The following FILIP1L variants were observed in gnomAD, a reference collection of about 807,000 sequenced individuals.
The protein encoded by FILIP1L is filamin A interacting protein 1 like.
In FILIP1L, 55 loss-of-function variants were observed where a neutral mutation model predicts 96.6. That is an observed-to-expected ratio of 0.57 (90% CI 0.46 to 0.71). The LOEUF (loss-of-function observed/expected upper bound fraction) is 0.71, where lower values mean the gene tolerates loss of function less well. Among genes scored for constraint, FILIP1L ranks in the 30% least tolerant of loss-of-function variants. The pLI is 0.00. For synonymous variants in FILIP1L, 467 were observed against 473.9 expected, an observed-to-expected ratio of 0.99 and a Z score of 0.19; for missense variants, 1,304 against 1,321.2, an observed-to-expected ratio of 0.99 and a Z score of 0.20.
chr3:99,833,924 G>A (rs1290787630), intron 5 of FILIP1L, among the ~76,000 whole-genome samples: 2 of 152,302 alleles, frequency 1.3e-5, no homozygotes, highest in East Asian at 3.9e-4. Context: ...GTGTTTAATG[G>A]GAAAGTATAT....
chr3:99,917,754 G>A lies in FILIP1L; in HGVS notation c.605+6476C>T, dbSNP rs150472394. Reference sequence around the variant, plus strand: ...ATATGTGGAAGCAGTAGGGTATACCGAAATCTAGATGTCCTTTAAGAATGG... The same window carrying A: ...ATATGTGGAAGCAGTAGGGTATACCAAAATCTAGATGTCCTTTAAGAATGG... On this transcript the variant is annotated intron_variant, in intron 4 of 5. Transcript: ENST00000477258. Among the ~76,000 whole-genome samples, 217 of 152,280 alleles carry A rather than the reference G, an allele frequency of 1.4e-3. 1 individual carries two copies. The highest frequency in any genetic ancestry group is 4.9e-3 in the African/African-American group (204 of 41,568).
intron 4 of FILIP1L, among the ~76,000 whole-genome samples, chr3:99,890,978 A>AG (rs895441868): frequency 3.6e-4 from 55 of 152,202 alleles, no homozygotes; most frequent in African/African-American, 1.3e-3. Context: ...CAAATGCCAA[A>AG]GGGGTATTTT....
intron 4 of FILIP1L, among the ~76,000 whole-genome samples, chr3:99,887,333 T>C (rs1705934500): frequency 6.6e-6 from 1 of 152,102 alleles, no homozygotes; most frequent in African/African-American, 2.4e-5. Flanking sequence ...AAAGTTCATC[T>C]GGACCTTGAA....
intron 4 of FILIP1L, among the ~76,000 whole-genome samples, chr3:99,911,713 T>C (rs1321452810): frequency 1.3e-5 from 2 of 152,216 alleles, no homozygotes; most frequent in African/African-American, 4.8e-5. Context: ...ATCTTTCTAA[T>C]CAGATCCTTG....
intron 4 of FILIP1L, among the ~76,000 whole-genome samples, chr3:99,872,461 A>G (rs934116396): frequency 2.6e-5 from 4 of 152,042 alleles, no homozygotes; most frequent in Admixed American, 2.0e-4. Flanking sequence ...TTAGGCTAGA[A>G]TAAGTAGTTA....
chr3:100,068,739 T>G (rs2065710285), intron 1 of FILIP1L, among the ~76,000 whole-genome samples: 1 of 152,230 alleles, frequency 6.6e-6, no homozygotes. Flanking sequence ...GCGATTTTCC[T>G]GCCTCAGCCT....
intron 4 of FILIP1L, among the ~76,000 whole-genome samples, chr3:99,889,234 TTG>T (rs1254208153): frequency 2.0e-5 from 3 of 152,076 alleles, no homozygotes; most frequent in Non-Finnish European, 2.9e-5. Flanking sequence ...ATGGATTAGT[TTG>T]TCCTTGTGTT....
At chr3:100,113,481 T>A (rs1185424405) in intron 1 of FILIP1L, among the ~76,000 whole-genome samples, 2 of 152,218 alleles carry the variant, frequency 1.3e-5, no homozygotes, top group African/African-American at 4.8e-5. Context: ...TCTCTGGCTC[T>A]CATTCATTAA....
At chr3:100,034,414 G>T (rs1314820063) in intron 1 of FILIP1L, among the ~76,000 whole-genome samples, 1 of 152,178 alleles carries the variant, frequency 6.6e-6, no homozygotes, top group African/African-American at 2.4e-5. Context: ...GTAATGGAAA[G>T]AATTCACTAG....
At chr3:99,955,552 C>CT (rs896253880) in intron 1 of FILIP1L, among the ~76,000 whole-genome samples, 84 of 152,242 alleles carry the variant, frequency 5.5e-4, no homozygotes, top group Admixed American at 3.1e-3. Context: ...CTTGAGAACT[C>CT]TAACAAGATA....
chr3:100,101,080 T>C (rs2066297125), intron 1 of FILIP1L, among the ~76,000 whole-genome samples: 1 of 152,144 alleles, frequency 6.6e-6, no homozygotes, highest in Admixed American at 6.5e-5. Context: ...CCTGGGGGCC[T>C]CTGGAGCTGG....
rs1488074896 is a variant in FILIP1L, at chr3:100,100,195, G to T, written c.-11+13858C>A. 4.6e-5 allele frequency among the ~76,000 whole-genome samples: 7 copies of T among 152,122 alleles called. No homozygotes were observed. In the East Asian group the frequency reaches 9.6e-4, roughly 21 times the overall value. On this transcript the variant is annotated intron_variant, in intron 1 of 5. Transcript: ENST00000477258. ...AGATTTTGGTGTGTGGGCTCTGGGG[G>T]CACAAGTAGCCTTCTCCTGAGATAT...
At chr3:99,984,048 A>ATGTGTGTGTGTGTGTGTGTGTG (rs367846393) in intron 1 of FILIP1L, among the ~76,000 whole-genome samples, 73,109 of 147,294 alleles carry the variant, frequency 0.5, 18,184 homozygotes, top group East Asian at 0.62. Flanking sequence ...AAGGATGTAT[A>ATGTGTGTGTGTGTGTGTGTGTG]TGTATGTGTG....
At chr3:99,955,275 T>G (rs1330657504) in intron 1 of FILIP1L, among the ~76,000 whole-genome samples, 1 of 152,188 alleles carries the variant, frequency 6.6e-6, no homozygotes, top group Admixed American at 6.5e-5. Flanking sequence ...TTAGCAAAAC[T>G]TAGTAAAGAC....
intron 1 of FILIP1L, among the ~76,000 whole-genome samples, chr3:100,071,568 C>G (rs925298826): frequency 6.6e-6 from 1 of 152,202 alleles, no homozygotes; most frequent in Non-Finnish European, 1.5e-5. Flanking sequence ...TTCTGTCCTA[C>G]TGGTTCCAGT....
At chr3:99,854,790 T>C (rs1025940772) in intron 4 of FILIP1L, among the ~76,000 whole-genome samples, 1 of 152,210 alleles carries the variant, frequency 6.6e-6, no homozygotes, top group Non-Finnish European at 1.5e-5. Flanking sequence ...ATCGTTTTGC[T>C]TTACTCAGCT....
intron 1 of FILIP1L, among the ~76,000 whole-genome samples, chr3:100,061,352 G>A (rs2065562769): frequency 6.6e-6 from 1 of 152,314 alleles, no homozygotes; most frequent in East Asian, 1.9e-4. Context: ...ATCTTCACAG[G>A]TGGTTGAGGA....
At chr3:99,865,254 C>T (rs1477207343) in intron 4 of FILIP1L, among the ~76,000 whole-genome samples, 1 of 152,138 alleles carries the variant, frequency 6.6e-6, no homozygotes, top group African/African-American at 2.4e-5. Flanking sequence ...GTTAATTTGC[C>T]ACAGGTCCTG....
intron 1 of FILIP1L, among the ~76,000 whole-genome samples, chr3:99,948,674 GGAA>G (rs908664480): frequency 6.0e-5 from 9 of 149,164 alleles, no homozygotes; most frequent in East Asian, 3.9e-4. Flanking sequence ...AAGGGAAAGA[GGAA>G]GAAGAAGAGG....
Sources: allele counts gnomAD v4.1 joint callset (sites outside exome capture counted in the v4.1 genomes callset), GRCh38; gene constraint gnomAD v4.1.1; transcripts MANE v1.5; gene names NCBI Gene and HGNC (gene_info 2026-07-23, HGNC 2026-07-21).